The following RELN variants were observed in gnomAD, a reference collection of about 807,000 sequenced individuals.
RELN encodes the protein reelin.
In RELN, 108 loss-of-function variants were observed where a neutral mutation model predicts 427.6. The observed-to-expected ratio is 0.25, with a 90% CI of 0.22 to 0.30. The LOEUF (loss-of-function observed/expected upper bound fraction) is 0.30, where lower values mean the gene tolerates loss of function less well. Ranked by LOEUF, RELN falls within the 10% of genes least tolerant of loss-of-function variation. The pLI is 1.00. For missense variants in RELN, 3,715 were observed against 4,302.8 expected, an observed-to-expected ratio of 0.86 and a Z score of 3.82; for synonymous variants, 1,524 against 1,513.4, an observed-to-expected ratio of 1.01 and a Z score of -0.16.
At chr7:103,787,969 C>A (rs1792062356) in intron 3 of RELN, among the ~76,000 whole-genome samples, 1 of 152,160 alleles carries the variant, frequency 6.6e-6, no homozygotes, top group Admixed American at 6.5e-5. Flanking sequence ...AGCAGCACAT[C>A]AAAAATCTTA....
At chr7:103,530,798 T>C (rs1829921449) in intron 46 of RELN, among the ~76,000 whole-genome samples, 2 of 152,210 alleles carry the variant, frequency 1.3e-5, no homozygotes, top group South Asian at 4.1e-4. Context: ...AACACTAGAA[T>C]TCTGGCTTTC....
At chr7:103,522,847 A>ACACACAGACACACACACACACACCCC (rs1302601499) in intron 47 of RELN, among the ~76,000 whole-genome samples, 1 of 151,728 alleles carries the variant, frequency 6.6e-6, no homozygotes, top group Non-Finnish European at 1.5e-5. Context: ...AGACACACAC[A>ACACACAGACACACACACACACACCCC]CACACCCCCA....
chr7:103,686,483 G>GT (rs1337079567), intron 10 of RELN, among the ~76,000 whole-genome samples: 3 of 152,090 alleles, frequency 2.0e-5, no homozygotes, highest in South Asian at 2.1e-4. Context: ...GAGAGGAGAG[G>GT]TTTTTTAATT....
intron 9 of RELN, 140 bp downstream of exon 9, chr7:103,700,770 G>A (rs541144255): frequency 1.5e-6 from 1 of 689,134 alleles, no homozygotes; most frequent in Admixed American, 2.1e-5. Flanking sequence ...CATAATATGT[G>A]CATCCATAGA....
At chr7:103,657,781 T>A (rs67423770) in intron 12 of RELN, among the ~76,000 whole-genome samples, 21,078 of 152,188 alleles carry the variant, frequency 0.14, 1,560 homozygotes, top group Middle Eastern at 0.29. Flanking sequence ...GAGATATGGA[T>A]TCTTCTTCAG....
chr7:103,687,862 GTGCTAT>G (rs1833795296), intron 10 of RELN, among the ~76,000 whole-genome samples: 1 of 152,066 alleles, frequency 6.6e-6, no homozygotes, highest in Non-Finnish European at 1.5e-5. Context: ...AGTTGTTTCT[GTGCTAT>G]TGCCACTCTT....
At chr7:103,854,117 A>C (rs1271354612) in intron 2 of RELN, among the ~76,000 whole-genome samples, 1 of 152,208 alleles carries the variant, frequency 6.6e-6, no homozygotes, top group Non-Finnish European at 1.5e-5. Flanking sequence ...GTGTCAACTA[A>C]AAATAAAAGG....
At chr7:103,510,363 C>A (rs973290861) in intron 51 of RELN, among the ~76,000 whole-genome samples, 4 of 152,180 alleles carry the variant, frequency 2.6e-5, no homozygotes, top group Admixed American at 2.0e-4. Flanking sequence ...TGGAAACCAT[C>A]ATTCTCAGCA....
Position 103,620,385 on chromosome 7 carries a change from A to G in RELN, c.2703-8582T>C, listed in dbSNP as rs1468374105. 1.3e-5 allele frequency among the ~76,000 whole-genome samples: 2 copies of G among 151,956 alleles called. No homozygotes were observed. Among genetic ancestry groups the G allele is most frequent in the African/African-American group, 4.8e-5 (2 of 41,344 alleles). The stretch of plus-strand genomic sequence containing the variant: ...TTCAATTCATCTCCGATCTCAGGCT[A>G]TCCATAACTCCCTGACTCCTCTTTT... On this transcript the variant is annotated intron_variant, in intron 20 of 64. Transcript: ENST00000428762. The surrounding 1 kb of genome is among the most constrained non-coding windows in gnomAD (Gnocchi z 4.1).
intron 16 of RELN, among the ~76,000 whole-genome samples, chr7:103,643,503 C>T (rs1226169216): frequency 1.3e-5 from 2 of 151,964 alleles, no homozygotes; most frequent in African/African-American, 4.8e-5. Flanking sequence ...TTTGGACTCT[C>T]AGCTTCCATG....
At chr7:103,695,823 A>G (rs550307240) in intron 10 of RELN, among the ~76,000 whole-genome samples, 9 of 152,208 alleles carry the variant, frequency 5.9e-5, no homozygotes, top group African/African-American at 2.2e-4. Flanking sequence ...ATTCTGACGA[A>G]TGTTTTTTTC....
chr7:103,578,951 T>C (rs1165762056), intron 28 of RELN, among the ~76,000 whole-genome samples: 2 of 152,206 alleles, frequency 1.3e-5, no homozygotes, highest in Non-Finnish European at 2.9e-5. Context: ...AAGGAAGGTG[T>C]CTTCATTATA....
chr7:103,912,423 A>T (rs1795390308), intron 2 of RELN, among the ~76,000 whole-genome samples: 1 of 152,032 alleles, frequency 6.6e-6, no homozygotes, highest in Non-Finnish European at 1.5e-5. Context: ...TGACCTTGTG[A>T]TCTGCCCCAC....
At chr7:103,811,366 C>T (rs1792739717) in intron 3 of RELN, among the ~76,000 whole-genome samples, 1 of 152,170 alleles carries the variant, frequency 6.6e-6, no homozygotes, top group African/African-American at 2.4e-5. Flanking sequence ...TACTGTAAAA[C>T]ACATTTGTGG....
At chr7:103,617,502 A>C (rs988438060) in intron 20 of RELN, among the ~76,000 whole-genome samples, 2 of 151,926 alleles carry the variant, frequency 1.3e-5, no homozygotes, top group African/African-American at 4.8e-5. Flanking sequence ...AAAGGAATCT[A>C]TATATATGTG....
rs897976791 is a variant in RELN at position 103,824,654 on chromosome 7, G to A, written c.473+8883C>T. ...TGTGTGTGTGTGTGTGTGTGTGTGT[G>A]TGTGTGTGTGTGTGTGTGTGTTTGC... On this transcript the variant is annotated intron_variant, in intron 3 of 64. Coordinates refer to ENST00000428762, the MANE Select transcript of RELN (RefSeq NM_005045.4). The surrounding 1 kb of genome is among the most constrained non-coding windows in gnomAD (Gnocchi z 4.4). 1.3e-5 allele frequency among the ~76,000 whole-genome samples: 2 copies of A among 150,952 alleles called. No homozygotes were observed. The highest frequency in any genetic ancestry group is 2.0e-4 in the East Asian group (1 of 5,126).
intron 1 of RELN, among the ~76,000 whole-genome samples, chr7:103,963,743 CTTG>C (rs2116798298): frequency 6.6e-6 from 1 of 152,250 alleles, no homozygotes; most frequent in Admixed American, 6.5e-5. Flanking sequence ...AAAAAATAGC[CTTG>C]TTATGGGGAT....
intron 4 of RELN, among the ~76,000 whole-genome samples, chr7:103,767,959 C>T (rs2116163550): frequency 6.6e-6 from 1 of 152,292 alleles, no homozygotes; most frequent in Non-Finnish European, 1.5e-5. Flanking sequence ...CCCCCTACAA[C>T]ACTTGCCACC....
intron 6 of RELN, among the ~76,000 whole-genome samples, chr7:103,730,203 G>A (rs576536735): frequency 6.6e-6 from 1 of 152,200 alleles, no homozygotes; most frequent in East Asian, 1.9e-4. Context: ...CACTGTTGAT[G>A]TGAAATTTGA....
Sources: allele counts gnomAD v4.1 joint callset (sites outside exome capture counted in the v4.1 genomes callset), GRCh38; gene constraint gnomAD v4.1.1; non-coding constraint Gnocchi (gnomAD v3.1); transcripts MANE v1.5; gene names NCBI Gene and HGNC (gene_info 2026-07-23, HGNC 2026-07-21).